Variants in YAP1 observed in about 807,000 individuals in gnomAD.
YAP1 encodes transcriptional coactivator YAP1.
In YAP1, 5 loss-of-function variants were observed where a neutral mutation model predicts 56.9. The observed-to-expected ratio is 0.09, with a 90% confidence interval of 0.05 to 0.18. The LOEUF is 0.18. Among genes scored for constraint, YAP1 ranks in the 10% least tolerant of loss-of-function variants. The pLI is 1.00. For missense variants in YAP1, 539 were observed against 651.8 expected, an observed-to-expected ratio of 0.83 and a Z score of 1.88; for synonymous variants, 265 against 248.1, an observed-to-expected ratio of 1.07 and a Z score of -0.64.
chr11:102,153,700 C>G (rs1234252394), intron 2 of YAP1, among the ~76,000 whole-genome samples: 1 of 152,080 alleles, frequency 6.6e-6, no homozygotes. Flanking sequence ...TTGCTGTACT[C>G]AATTATCTTT....
chr11:102,199,678 A>C (rs1223701438), intron 4 of YAP1, among the ~76,000 whole-genome samples: 3 of 152,228 alleles, frequency 2.0e-5, no homozygotes, highest in Non-Finnish European at 2.9e-5. Context: ...GAATTTTTTA[A>C]AAATCTCTAT....
chr11:102,207,207 A>G (rs994731900), intron 5 of YAP1, among the ~76,000 whole-genome samples: 3 of 152,276 alleles, frequency 2.0e-5, no homozygotes, highest in Admixed American at 6.5e-5. Context: ...AGGTGAAAGT[A>G]CACTCAAAAT....
intron 3 of YAP1, among the ~76,000 whole-genome samples, chr11:102,182,203 T>C (rs759452123): frequency 6.6e-6 from 1 of 152,188 alleles, no homozygotes; most frequent in Admixed American, 6.5e-5. Context: ...TCAAAAAGTA[T>C]AGGGGTAAGG....
intron 6 of YAP1, among the ~76,000 whole-genome samples, chr11:102,212,321 A>G (rs1949441223): frequency 6.6e-6 from 1 of 152,158 alleles, no homozygotes; most frequent in Non-Finnish European, 1.5e-5. Context: ...AGTACTTCCT[A>G]TAGGATTTAA....
chr11:102,221,861 T>C (rs1370913937), intron 6 of YAP1, among the ~76,000 whole-genome samples: 2 of 152,210 alleles, frequency 1.3e-5, no homozygotes, highest in African/African-American at 4.8e-5. Context: ...TTATATGTTC[T>C]ATTGGTGAAA....
chr11:102,204,783 G>C (rs999332494), intron 4 of YAP1, among the ~76,000 whole-genome samples: 1 of 152,110 alleles, frequency 6.6e-6, no homozygotes, highest in Non-Finnish European at 1.5e-5. Flanking sequence ...TAATATCCTT[G>C]TATGGTATCA....
intron 2 of YAP1, among the ~76,000 whole-genome samples, chr11:102,132,799 AT>A (rs1217149136): frequency 6.6e-6 from 1 of 152,262 alleles, no homozygotes; most frequent in Non-Finnish European, 1.5e-5. Context: ...GTTAGTAATT[AT>A]CCCTGCAAAT....
chr11:102,134,995 C>T (rs1767394214), intron 2 of YAP1, among the ~76,000 whole-genome samples: 1 of 152,184 alleles, frequency 6.6e-6, no homozygotes. Flanking sequence ...TCTCCTGCCT[C>T]AGCCTCCTGA....
intron 5 of YAP1, among the ~76,000 whole-genome samples, chr11:102,208,810 C>T (rs554687898): frequency 4.6e-5 from 7 of 152,232 alleles, no homozygotes; most frequent in African/African-American, 1.7e-4. Flanking sequence ...CAAAACCATA[C>T]TGTTTTTAAG....
chr11:102,196,363 A>G (rs1948573204), intron 4 of YAP1, among the ~76,000 whole-genome samples: 1 of 152,204 alleles, frequency 6.6e-6, no homozygotes, highest in Non-Finnish European at 1.5e-5. Context: ...GTATATTCAT[A>G]TAATGGAATA....
chr11:102,164,727 G>GTT (rs371270623), intron 3 of YAP1, among the ~76,000 whole-genome samples: 7,420 of 151,426 alleles, frequency 0.049, 587 homozygotes, highest in African/African-American at 0.17. Flanking sequence ...GGGTTTTTTT[G>GTT]TTTTTTTTCT....
chr11:102,198,416 T>C (rs971824441), intron 4 of YAP1, among the ~76,000 whole-genome samples: 1 of 152,222 alleles, frequency 6.6e-6, no homozygotes, highest in Non-Finnish European at 1.5e-5. Context: ...TCAGTGTTTT[T>C]CACCAAGAAT....
Position 102,110,796 on chromosome 11 carries a change from C to T in YAP1, c.-53C>T. 7.7e-7 allele frequency: 1 copy of T among 1,299,430 alleles called. No homozygotes were observed. The highest frequency in any genetic ancestry group is 2.1e-5 in the South Asian group (1 of 47,318). The allele number at this position is 1,299,430 out of a possible 1,614,324, so 80.5% of individuals were successfully genotyped here. A position where few individuals can be genotyped will look rare whatever the true frequency, so the allele number is the denominator to read the frequency against. ...GGCCCGTGGAGCCGGGGCGTCCGGG[C>T]GTAGCCCTCGCTCGCCTGGGTCAGG... On this transcript the variant is annotated 5_prime_UTR_variant, in exon 1 of 9. Transcript: ENST00000282441.
At chr11:102,214,259 A>G (rs1376287365) in intron 6 of YAP1, among the ~76,000 whole-genome samples, 1 of 152,202 alleles carries the variant, frequency 6.6e-6, no homozygotes, top group Non-Finnish European at 1.5e-5. Context: ...CAGTATAAAT[A>G]TTTGGCAACT....
Position 102,193,059 on chromosome 11 carries a change from G to C in YAP1, c.802+6928G>C, listed in dbSNP as rs116261612. Among the ~76,000 whole-genome samples, 305 of 152,192 alleles carry C rather than the reference G, an allele frequency of 2.0e-3. 1 individual carries two copies. The highest frequency in any genetic ancestry group is 7.0e-3 in the African/African-American group (292 of 41,518). On this transcript the variant is annotated intron_variant, in intron 4 of 8. Transcript: ENST00000282441. ...ATTGCCTTAAAGATGATGCCTTGTT[G>C]GTACACTTTGTTTCTAAAATTTAAA...
chr11:102,190,140 G>A (rs986712881), intron 4 of YAP1, among the ~76,000 whole-genome samples: 3 of 152,148 alleles, frequency 2.0e-5, no homozygotes, highest in Admixed American at 2.0e-4. Flanking sequence ...TCTCTTGATA[G>A]CTGTATGCTA....
rs577855985 is a variant in YAP1 at position 102,145,221 on chromosome 11, A to G, written c.573-17235A>G. 5.9e-5 allele frequency among the ~76,000 whole-genome samples: 9 copies of G among 152,330 alleles called. No homozygotes were observed. In the South Asian group the frequency reaches 1.2e-3, roughly 21 times the overall value. ...CCAAACCCTTCCTTTTCCTAAGAAT[A>G]GAAGTGCTCTGCCTAATGATTGGAG... On this transcript the variant is annotated intron_variant, in intron 2 of 8. Coordinates refer to ENST00000282441, the MANE Select transcript of YAP1 (RefSeq NM_001130145.3).
chr11:102,169,642 T>G, intron 3 of YAP1, among the ~76,000 whole-genome samples: 1 of 152,174 alleles, frequency 6.6e-6, no homozygotes, highest in East Asian at 1.9e-4. Context: ...AAACACTTAT[T>G]TTTTTTGAAC....
intron 6 of YAP1, among the ~76,000 whole-genome samples, chr11:102,221,587 G>A (rs1005738239): frequency 2.0e-5 from 3 of 152,026 alleles, no homozygotes; most frequent in African/African-American, 7.3e-5. Flanking sequence ...GCTGGGTATG[G>A]TGGTGTGCCT....
Sources: gnomAD v4.1 joint callset for allele counts (sites outside exome capture counted in the v4.1 genomes callset) on GRCh38, gnomAD v4.1.1 for gene constraint, MANE v1.5 for transcripts, NCBI Gene and HGNC (gene_info 2026-07-23, HGNC 2026-07-21) for gene names.